The following SGCZ variants were observed in gnomAD, a reference collection of about 807,000 sequenced individuals.
SGCZ encodes zeta-sarcoglycan.
A neutral mutation model predicts 41.3 loss-of-function variants in SGCZ; 40 were observed. The ratio of observed to expected loss-of-function variants is 0.97; its 90% CI spans 0.75 to 1.26. SGCZ has a LOEUF of 1.26. Among genes scored for constraint, SGCZ ranks in the 50% most tolerant of loss-of-function variants. The pLI is 0.00. For missense variants in SGCZ, 552 were observed against 369.8 expected (o/e 1.49, Z -4.04); for synonymous variants, 206 against 137.5 (o/e 1.50, Z -3.49).
At position 14,524,144 on chromosome 8, in the gene SGCZ, AT is replaced by A. The variant is rs1445969444; in HGVS notation, c.234+30587del. ...TTCTTGAATATTCATAACATGAGTG[AT>A]TTTGTACTAAAACCTGATCATCTGG... On this transcript the variant is annotated intron_variant, in intron 2 of 7. Coordinates refer to ENST00000382080, the MANE Select transcript of SGCZ (RefSeq NM_139167.4). 2.6e-5 allele frequency among the ~76,000 whole-genome samples: 4 copies of A among 151,746 alleles called. No individual in the cohort carries two copies. In the East Asian group the frequency reaches 7.8e-4, roughly 29 times the overall value.
intron 1 of SGCZ, among the ~76,000 whole-genome samples, chr8:15,164,896 G>A (rs550560461): frequency 3.3e-5 from 5 of 152,000 alleles, no homozygotes; most frequent in Non-Finnish European, 7.4e-5. Context: ...CTTCTTTCTG[G>A]TTTGATACCT....
intron 3 of SGCZ, among the ~76,000 whole-genome samples, chr8:14,292,591 T>A (rs1430103340): frequency 6.6e-6 from 1 of 152,008 alleles, no homozygotes; most frequent in Non-Finnish European, 1.5e-5. Context: ...AAATATTCCA[T>A]GTTTATATGC....
At chr8:14,112,941 GCATTTA>G (rs1441096862) in intron 5 of SGCZ, among the ~76,000 whole-genome samples, 1 of 151,932 alleles carries the variant, frequency 6.6e-6, no homozygotes, top group Non-Finnish European at 1.5e-5. Context: ...ATATTAATTG[GCATTTA>G]TTGTATTCCA....
chr8:14,471,863 A>G (rs1377088071), intron 2 of SGCZ, among the ~76,000 whole-genome samples: 2 of 152,066 alleles, frequency 1.3e-5, no homozygotes, highest in African/African-American at 4.8e-5. Flanking sequence ...GCATTTTACT[A>G]AGGGTTCCAA....
At chr8:14,301,714 G>C (rs913830822) in intron 3 of SGCZ, among the ~76,000 whole-genome samples, 16 of 152,120 alleles carry the variant, frequency 1.1e-4, no homozygotes, top group African/African-American at 3.1e-4. Context: ...AAAGGGGAAA[G>C]ACAGTGAGAA....
At chr8:14,621,832 G>A (rs2117371952) in intron 1 of SGCZ, among the ~76,000 whole-genome samples, 1 of 152,132 alleles carries the variant, frequency 6.6e-6, no homozygotes, top group African/African-American at 2.4e-5. Context: ...TTTGGTTGGG[G>A]ACGCAGAGCC....
At chr8:14,590,006 A>T (rs1334301895) in intron 1 of SGCZ, among the ~76,000 whole-genome samples, 1 of 152,252 alleles carries the variant, frequency 6.6e-6, no homozygotes, top group African/African-American at 2.4e-5. Context: ...GAGTGATTCA[A>T]CTGACCTGGC....
intron 3 of SGCZ, among the ~76,000 whole-genome samples, chr8:14,321,015 G>T (rs544283797): frequency 2.0e-5 from 3 of 152,016 alleles, no homozygotes; most frequent in Non-Finnish European, 4.4e-5. Context: ...TGAAGATTAG[G>T]TGTCCTAAAT....
At chr8:14,110,331 G>C (rs375253657) in intron 5 of SGCZ, among the ~76,000 whole-genome samples, 1 of 151,946 alleles carries the variant, frequency 6.6e-6, no homozygotes, top group Non-Finnish European at 1.5e-5. Context: ...TCCCAGATAA[G>C]GTGACAGAAA....
intron 1 of SGCZ, among the ~76,000 whole-genome samples, chr8:14,904,486 G>T (rs899321915): frequency 1.3e-5 from 2 of 151,802 alleles, no homozygotes; most frequent in African/African-American, 4.8e-5. Context: ...TAGAATATAC[G>T]AACTTATTTC....
At chr8:14,892,053 G>A (rs1251392105) in intron 1 of SGCZ, among the ~76,000 whole-genome samples, 2 of 152,140 alleles carry the variant, frequency 1.3e-5, no homozygotes, top group Non-Finnish European at 2.9e-5. Context: ...CAGTGGGCTG[G>A]CACTGAACCT....
intron 1 of SGCZ, among the ~76,000 whole-genome samples, chr8:15,160,451 G>A (rs1435928705): frequency 3.3e-5 from 5 of 152,260 alleles, no homozygotes; most frequent in South Asian, 2.1e-4. Flanking sequence ...ATGAACAGAC[G>A]TGTGAGACGA....
At chr8:14,440,717 GTA>G (rs1563330872) in intron 2 of SGCZ, among the ~76,000 whole-genome samples, 1 of 52,514 alleles carries the variant, frequency 1.9e-5, no homozygotes, top group Non-Finnish European at 4.5e-5. Context: ...ATATACATAC[GTA>G]TACACGTATA....
chr8:15,136,312 T>G (rs1313917985), intron 1 of SGCZ, among the ~76,000 whole-genome samples: 1 of 152,102 alleles, frequency 6.6e-6, no homozygotes, highest in Non-Finnish European at 1.5e-5. Context: ...GGTTCATGCT[T>G]TAAGCCATGA....
chr8:14,445,681 G>A (rs973082449), intron 2 of SGCZ, among the ~76,000 whole-genome samples: 1 of 152,106 alleles, frequency 6.6e-6, no homozygotes, highest in East Asian at 1.9e-4. Context: ...ATTGACTGTG[G>A]GTACCCAAAA....
intron 2 of SGCZ, among the ~76,000 whole-genome samples, chr8:14,497,038 A>C (rs1048687322): frequency 6.6e-6 from 1 of 152,196 alleles, no homozygotes; most frequent in South Asian, 2.1e-4. Context: ...TAGAATTAAC[A>C]CTGACATCCA....
At chr8:14,751,951 A>G (rs1246905954) in intron 1 of SGCZ, among the ~76,000 whole-genome samples, 1 of 90,672 alleles carries the variant, frequency 1.1e-5, no homozygotes, top group Admixed American at 1.1e-4. Flanking sequence ...AAAAACAAAC[A>G]AAAAAAAAAA....
At chr8:14,868,773 C>G (rs1255184955) in intron 1 of SGCZ, among the ~76,000 whole-genome samples, 5 of 151,998 alleles carry the variant, frequency 3.3e-5, no homozygotes, top group African/African-American at 1.2e-4. Context: ...AATATAAGGA[C>G]AGAAATACAA....
chr8:15,191,389 T>A (rs1363680119), intron 1 of SGCZ, among the ~76,000 whole-genome samples: 1 of 152,088 alleles, frequency 6.6e-6, no homozygotes, highest in Non-Finnish European at 1.5e-5. Context: ...GAAAATATAT[T>A]TGACCAAGTT....
Sources: allele counts gnomAD v4.1 joint callset (sites outside exome capture counted in the v4.1 genomes callset), GRCh38; gene constraint gnomAD v4.1.1; transcripts MANE v1.5; gene names NCBI Gene and HGNC (gene_info 2026-07-23, HGNC 2026-07-21).